Variants in MYH8 observed in about 807,000 individuals in gnomAD.
The protein encoded by MYH8 is myosin-8.
In MYH8, 168 loss-of-function variants were observed where a neutral mutation model predicts 233.2. That is an observed-to-expected ratio of 0.72 (90% CI 0.64 to 0.82). The LOEUF (loss-of-function observed/expected upper bound fraction) is 0.82. Among genes scored for constraint, MYH8 ranks in the 40% least tolerant of loss-of-function variants. The pLI is 0.00. For missense variants in MYH8, 1,995 were observed against 2,327.8 expected (o/e 0.86, Z 2.94); for synonymous variants, 785 against 850.6 (o/e 0.92, Z 1.34).
intron 34 of MYH8, 95 bp downstream of exon 34, chr17:10,395,038 T>C: frequency 7.3e-7 from 1 of 1,373,286 alleles, no homozygotes; most frequent in Non-Finnish European, 1.0e-6. Flanking sequence ...TATAATTTGT[T>C]AAGAGAAAAA....
chr17:10,390,968 G>T (rs1400413109), intron 39 of MYH8, among the ~76,000 whole-genome samples: 1 of 152,192 alleles, frequency 6.6e-6, no homozygotes, highest in East Asian at 1.9e-4. Context: ...TATAAAGAAA[G>T]GGAAAAGATG....
chr17:10,394,088 T>C lies in MYH8; in HGVS notation c.5166+161A>G, dbSNP rs2072057087. Among the ~76,000 whole-genome samples, 5 of 123,058 alleles carry C rather than the reference T, an allele frequency of 4.1e-5. No individual in the cohort carries two copies. The South Asian group carries it at 1.4e-3, about 34-fold the overall frequency. The allele number at this position is 123,058 out of a possible 152,430, so 80.7% of individuals were successfully genotyped here. A position where few individuals can be genotyped will look rare whatever the true frequency, so the allele number is the denominator to read the frequency against. ...CAAAAAAACAAAAAAAAATCACCCA[T>C]AATCCACCAATTACCCTAAGATAAT... On this transcript the variant is annotated intron_variant, in intron 35 of 39. Transcript: ENST00000403437.
In MYH8 at chr17:10,404,532, T is replaced by C; in HGVS notation, c.2486A>G (p.His829Arg). The C allele has an allele frequency of 6.2e-7, 1 of 1,614,072 alleles. No individual in the cohort carries two copies. The highest frequency in any genetic ancestry group is 1.3e-5 in the African/African-American group (1 of 75,038). The change falls in exon 22 of 40, where the codon CAC becomes CGC. Residue 829 changes from histidine to arginine, a missense_variant. Physicochemically the swap from His to Arg is conservative, Grantham distance 29 (BLOSUM62 0). Coordinates refer to ENST00000403437, the MANE Select transcript of MYH8 (RefSeq NM_002472.3). ...YNVRAFMNVK[H>R]WPWMKLFFKI... is the part of the protein sequence containing the mutation. Reference sequence around the variant, plus strand: ...GAAAAAGAGTTTCATCCAGGGCCAGTGCTTGACGTTCATGAAGGCACGGAC... The same window carrying C: ...GAAAAAGAGTTTCATCCAGGGCCAGCGCTTGACGTTCATGAAGGCACGGAC...
rs112011048 is a variant in MYH8 at position 10,396,011 on chromosome 17, C to A, written c.4653+319G>T. Among the ~76,000 whole-genome samples, 14 of 151,856 alleles carry A rather than the reference C, an allele frequency of 9.2e-5. No homozygotes were observed. Among genetic ancestry groups the A allele is most frequent in the Non-Finnish European group, 2.1e-4 (14 of 67,974 alleles). On this transcript the variant is annotated intron_variant, in intron 33 of 39. Coordinates refer to ENST00000403437, the MANE Select transcript of MYH8 (RefSeq NM_002472.3). The surrounding 1 kb of genome is among the most constrained non-coding windows in gnomAD (Gnocchi z 4.2). Reference sequence around the variant, plus strand: ...TTGTGTCTTTAAAATTACTGTCTACCGTAAAATATTTTTCCAAAATAATCA... The same window carrying A: ...TTGTGTCTTTAAAATTACTGTCTACAGTAAAATATTTTTCCAAAATAATCA...
At position 10,401,455 on chromosome 17, in the gene MYH8, C is replaced by T. The variant is rs778885433; in HGVS notation, c.2932-4G>A. The T allele has an allele frequency of 2.5e-6, 4 of 1,613,924 alleles. No individual in the cohort carries two copies. Among genetic ancestry groups the T allele is most frequent in the Non-Finnish European group, 3.4e-6 (4 of 1,180,026 alleles). ...TCTCTTCTGTAAGATTTTTCACCTA[C>T]AAAGGTTAAGAAAGAGATTATTTCT... is the stretch of plus-strand genomic sequence containing the variant. On this transcript the variant is annotated splice_polypyrimidine_tract_variant and splice_region_variant and intron_variant, in intron 23 of 39. Transcript: ENST00000403437.
rs1180699176 is a variant in MYH8 at position 10,406,776 on chromosome 17, C to G, written c.2085G>C (p.Gln695His). 3.7e-6 allele frequency: 6 copies of G among 1,614,186 alleles called. No homozygotes were observed. Among genetic ancestry groups the G allele is most frequent in the Non-Finnish European group, 5.1e-6 (6 of 1,180,036 alleles). Residue 695 changes from glutamine to histidine, a missense_variant, in exon 19 of 40, where the codon CAG becomes CAC. Physicochemically the swap from Gln to His is conservative, Grantham distance 24. Coordinates refer to ENST00000403437, the MANE Select transcript of MYH8 (RefSeq NM_002472.3). ...CTTCCAGCACACCATTACACCTCAG[C>G]TGGTGCAACACAAGTTCATGTTCCA... The part of the protein sequence containing the change: ...GAMEHELVLH[Q>H]LRCNGVLEGI...
chr17:10,390,687 A>G, intron 39 of MYH8, 84 bp from the exon 40 acceptor site: 13 of 1,476,894 alleles, frequency 8.8e-6, no homozygotes, highest in Non-Finnish European at 1.2e-5. Context: ...TCCTCAAATC[A>G]GGTATTTCCT....
In MYH8 at chr17:10,420,065, G is replaced by C; in HGVS notation, c.163C>G (p.Gln55Glu). 6.2e-7 allele frequency: 1 copy of C among 1,614,186 alleles called. No individual in the cohort carries two copies. Among genetic ancestry groups the C allele is most frequent in the Non-Finnish European group, 8.5e-7 (1 of 1,180,022 alleles). Residue 55 changes from glutamine (Q) to glutamate (E), a missense_variant, in exon 3 of 40, where the codon CAA becomes GAA. This residue lies in a region of MYH8 where 479 missense variants were observed against 600.9 expected (regional missense o/e 0.80). Transcript: ENST00000403437. ...PKESYVKSTIQSKEGGKVTVK... is the reference protein window; with the variant it reads ...PKESYVKSTIESKEGGKVTVK... Reference sequence around the variant, plus strand: ...GTTACTTTCCCTCCTTCTTTGCTTTGTATAGTGCTCTTCACATAGGATTCC... The same window carrying C: ...GTTACTTTCCCTCCTTCTTTGCTTTCTATAGTGCTCTTCACATAGGATTCC...
At position 10,406,764 on chromosome 17, in the gene MYH8, A is replaced by G; in HGVS notation, c.2097T>C (p.Asn699=). The change falls in exon 19 of 40, where the codon AAT becomes AAC. Residue 699 remains asparagine, a synonymous_variant. Transcript: ENST00000403437. ...AGATGCGGATGCCTTCCAGCACACC[A>G]TTACACCTCAGCTGGTGCAACACAA... is the stretch of plus-strand genomic sequence containing the variant. The part of the protein sequence containing the change: ...HELVLHQLRC[N]GVLEGIRICR... 1 of 1,614,190 alleles carries G rather than the reference A, an allele frequency of 6.2e-7. No individual in the cohort carries two copies. Among genetic ancestry groups the G allele is most frequent in the Non-Finnish European group, 8.5e-7 (1 of 1,180,024 alleles).
chr17:10,405,859 A>G (rs1342982494), intron 21 of MYH8, among the ~76,000 whole-genome samples, 182 bp downstream of exon 21: 1 of 152,200 alleles, frequency 6.6e-6, no homozygotes, highest in Non-Finnish European at 1.5e-5. Context: ...TGGAGGTAGG[A>G]GAGAAGTTTT....
At position 10,409,107 on chromosome 17, in the gene MYH8, G is replaced by T; in HGVS notation, c.1955C>A (p.Ala652Asp). ...AAATTTGTACTTTACCCTGAAAAGG[G>T]CAGACACAGTCTGGAAAGAAGAGCC... ...KKGSSFQTVS[A>D]LFRENLNKLM... Residue 652 changes from alanine to aspartate, a missense_variant, in exon 17 of 40, where the codon GCC becomes GAC. Physicochemically the swap from Ala to Asp is moderately radical, Grantham distance 126. Coordinates refer to ENST00000403437, the MANE Select transcript of MYH8 (RefSeq NM_002472.3). 1 of 1,613,950 alleles carries T rather than the reference G, an allele frequency of 6.2e-7. No individual in the cohort carries two copies. Among genetic ancestry groups the T allele is most frequent in the Non-Finnish European group, 8.5e-7 (1 of 1,179,856 alleles).
Position 10,390,407 on chromosome 17 carries a change from C to T in MYH8, c.*47G>A, listed in dbSNP as rs764346104. ...ATAAAGCAAGTGACCAAAAATAGCA[C>T]ATTTTGTGCCTTTCTTCAGCCTCTT... On this transcript the variant is annotated 3_prime_UTR_variant, in exon 40 of 40. Transcript: ENST00000403437. 1.9e-6 allele frequency: 3 copies of T among 1,611,300 alleles called. No individual in the cohort carries two copies. Among genetic ancestry groups the T allele is most frequent in the South Asian group, 2.2e-5 (2 of 90,978 alleles).
intron 2 of MYH8, among the ~76,000 whole-genome samples, chr17:10,420,742 A>G (rs531931649): frequency 1.3e-5 from 2 of 152,342 alleles, no homozygotes; most frequent in African/African-American, 4.8e-5. Flanking sequence ...AAAGCAAATA[A>G]TTATTTTTAA....
intron 38 of MYH8, 108 bp from the exon 39 acceptor site, chr17:10,392,085 T>C (rs1283192378): frequency 3.5e-6 from 3 of 852,900 alleles, no homozygotes; most frequent in Non-Finnish European, 6.0e-6. Context: ...GGGGTAAACT[T>C]GATCAACTCT....
chr17:10,414,399 C>A lies in MYH8; in HGVS notation c.891G>T (p.Lys297Asn). The change falls in exon 10 of 40, where the codon AAG becomes AAT. Residue 297 changes from lysine (K) to asparagine (N), a missense_variant. Around this residue, in one of 3 missense-constraint regions of MYH8, gnomAD observed 479 missense variants for 600.9 expected, o/e 0.80. Transcript: ENST00000403437. Reference sequence around the variant, plus strand: ...GTTCTTTCTTACCAATTAGATCTGGCTTCTTATTGGAAGTGATCTGATAAA... The same window carrying A: ...GTTCTTTCTTACCAATTAGATCTGGATTCTTATTGGAAGTGATCTGATAAA... ...HIFYQITSNKKPDLIEMLLIT... is the reference protein window; with the variant it reads ...HIFYQITSNKNPDLIEMLLIT... 6.2e-7 allele frequency: 1 copy of A among 1,610,468 alleles called. No individual in the cohort carries two copies. Among genetic ancestry groups the A allele is most frequent in the South Asian group, 1.1e-5 (1 of 90,982 alleles).
intron 21 of MYH8, 51 bp downstream of exon 21, chr17:10,405,986 CTGAT>C: frequency 6.3e-7 from 1 of 1,596,098 alleles, no homozygotes; most frequent in Non-Finnish European, 8.6e-7. Context: ...ATGAACAAGA[CTGAT>C]TGATAGTCCT....
intron 38 of MYH8, 25 bp from the exon 39 acceptor site, chr17:10,392,002 G>T: frequency 6.3e-7 from 1 of 1,589,962 alleles, no homozygotes; most frequent in Non-Finnish European, 8.6e-7. Flanking sequence ...AAAATAATCT[G>T]CATTCATTCC....
Position 10,409,569 on chromosome 17 carries a change from A to G in MYH8, c.1607T>C (p.Ile536Thr), listed in dbSNP as rs1046089949. Residue 536 changes from isoleucine to threonine, a missense_variant, in exon 16 of 40, where the codon ATC (isoleucine) becomes ACC (threonine). By Grantham distance (89) the Ile-to-Thr change is moderately conservative. Transcript: ENST00000403437. ...AGGGAACATGCACTCCTCTTCCAGG[A>G]TGGAGAAGATGCCCAGTGGCTGAAT... ...LIEKPLGIFS[I>T]LEEECMFPKA... 1 of 1,614,192 alleles carries G rather than the reference A, an allele frequency of 6.2e-7. No homozygotes were observed. Among genetic ancestry groups the G allele is most frequent in the Admixed American group, 1.7e-5 (1 of 60,014 alleles).
At position 10,401,392 on chromosome 17, in the gene MYH8, C is replaced by T; in HGVS notation, c.2991G>A (p.Lys997=). 6.2e-7 allele frequency: 1 copy of T among 1,614,006 alleles called. No individual in the cohort carries two copies. The highest frequency in any genetic ancestry group is 8.5e-7 in the Non-Finnish European group (1 of 1,180,012). ...GLDETIAKLS[K]EKKALQETHQ... Reference sequence around the variant, plus strand: ...GGGTCTCTTGGAGAGCCTTCTTCTCCTTGGACAGTTTTGCAATGGTTTCAT... The same window carrying T: ...GGGTCTCTTGGAGAGCCTTCTTCTCTTTGGACAGTTTTGCAATGGTTTCAT... Residue 997 remains lysine, a synonymous_variant, in exon 24 of 40, where the codon AAG becomes AAA. Coordinates refer to ENST00000403437, the MANE Select transcript of MYH8 (RefSeq NM_002472.3).
Sources: gnomAD v4.1 joint callset for allele counts (sites outside exome capture counted in the v4.1 genomes callset) on GRCh38, gnomAD v4.1.1 for gene constraint, gnomAD v4.1.1 regional missense constraint, Gnocchi (gnomAD v3.1) non-coding constraint, MANE v1.5 for transcripts, NCBI Gene and HGNC (gene_info 2026-07-23, HGNC 2026-07-21) for gene names.